Variants in RYR2 observed in about 807,000 individuals in gnomAD.
The protein encoded by RYR2 is ryanodine receptor 2, also known as cardiac muscle ryanodine receptor-calcium release channel.
Under a neutral mutation model 601.1 loss-of-function variants are expected in RYR2, and 227 were observed. That is an observed-to-expected ratio of 0.38 (90% CI 0.34 to 0.42). The LOEUF (loss-of-function observed/expected upper bound fraction) is 0.42. RYR2 is among the 10% of genes least tolerant of loss of function. The probability of loss-of-function intolerance (pLI) is 1.00; values close to 1 mark genes in which losing one functional copy is unlikely to be tolerated. For missense variants in RYR2, 4,646 were observed against 6,156.5 expected, an observed-to-expected ratio of 0.75 and a Z score of 8.21; for synonymous variants, 2,223 against 2,175.1, an observed-to-expected ratio of 1.02 and a Z score of -0.61.
intron 1 of RYR2, among the ~76,000 whole-genome samples, chr1:237,221,891 A>G (rs1189697109): frequency 6.6e-6 from 1 of 152,166 alleles, no homozygotes; most frequent in Admixed American, 6.5e-5. Flanking sequence ...AAATGACATC[A>G]TAGTCTTTCA....
At chr1:237,284,343 G>A (rs1259604566) in intron 2 of RYR2, among the ~76,000 whole-genome samples, 1 of 147,862 alleles carries the variant, frequency 6.8e-6, no homozygotes, top group Non-Finnish European at 1.5e-5. Context: ...TTGCGCCACT[G>A]CACTCCTGCC....
chr1:237,817,240 C>T (rs1661936649), intron 100 of RYR2, among the ~76,000 whole-genome samples: 1 of 152,144 alleles, frequency 6.6e-6, no homozygotes, highest in African/African-American at 2.4e-5. Context: ...GCCATCTAAC[C>T]CAGGAGACTT....
chr1:237,094,873 G>A (rs919098164), intron 1 of RYR2, among the ~76,000 whole-genome samples: 1 of 152,208 alleles, frequency 6.6e-6, no homozygotes, highest in African/African-American at 2.4e-5. Flanking sequence ...TTACAGGTGT[G>A]AGCCACCGCA....
intron 80 of RYR2, among the ~76,000 whole-genome samples, chr1:237,748,219 C>A (rs977060212): frequency 1.3e-5 from 2 of 152,120 alleles, no homozygotes; most frequent in Admixed American, 1.3e-4. Flanking sequence ...CTGATCACAG[C>A]TGTTCAGCAG....
At chr1:237,551,424 GGGA>G (rs1215128594) in intron 27 of RYR2, among the ~76,000 whole-genome samples, 3 of 151,672 alleles carry the variant, frequency 2.0e-5, no homozygotes, top group African/African-American at 7.3e-5. Context: ...CCAGCTACTC[GGGA>G]GGCTGAGGCA....
At chr1:237,217,753 T>C (rs982622398) in intron 1 of RYR2, among the ~76,000 whole-genome samples, 6 of 152,214 alleles carry the variant, frequency 3.9e-5, no homozygotes, top group Admixed American at 3.9e-4. Flanking sequence ...CGCTTTACTC[T>C]GTGCCCACCA....
intron 1 of RYR2, among the ~76,000 whole-genome samples, chr1:237,236,249 C>G (rs1685539761): frequency 6.6e-6 from 1 of 152,190 alleles, no homozygotes; most frequent in South Asian, 2.1e-4. Flanking sequence ...CTCTCCTTTG[C>G]TCGTAGCACT....
Position 237,433,844 on chromosome 1 carries a change from G to GT in RYR2, c.1006-7474dup, listed in dbSNP as rs144150901. ...TCTTCTACCATATTTCCCATGAAGAGTACTTACATTATGAAAGGCAAACAC... is the reference window on the plus strand; with the variant it reads ...TCTTCTACCATATTTCCCATGAAGAGTTACTTACATTATGAAAGGCAAACAC... On this transcript the variant is annotated intron_variant, in intron 12 of 104. Transcript: ENST00000366574. Among the ~76,000 whole-genome samples the GT allele has an allele frequency of 2.6e-5, 4 of 152,128 alleles. No homozygotes were observed. In the East Asian group the frequency reaches 7.8e-4, roughly 29 times the overall value.
intron 1 of RYR2, among the ~76,000 whole-genome samples, chr1:237,100,757 G>C (rs1313142663): frequency 1.3e-5 from 2 of 151,946 alleles, no homozygotes; most frequent in African/African-American, 4.8e-5. Context: ...ATGTGCTTGG[G>C]ATTCTTGAGG....
rs552033328 is a variant in RYR2 at position 237,224,934 on chromosome 1, G to A, written c.49-45563G>A. Reference sequence around the variant, plus strand: ...GGAAACTGAGGCCCAGGAAGGTTACGAAATTTGCCCACAGTTTATAGTTGG... The same window carrying A: ...GGAAACTGAGGCCCAGGAAGGTTACAAAATTTGCCCACAGTTTATAGTTGG... On this transcript the variant is annotated intron_variant, in intron 1 of 104. Transcript: ENST00000366574. Among the ~76,000 whole-genome samples the A allele has an allele frequency of 1.3e-4, 20 of 152,272 alleles. No individual in the cohort carries two copies. The East Asian group carries it at 2.3e-3, about 18-fold the overall frequency.
chr1:237,792,380 T>TGTGTGC (rs1558425745), intron 94 of RYR2, 57 bp downstream of exon 94: 12 of 838,514 alleles, frequency 1.4e-5, no homozygotes, highest in South Asian at 1.2e-4. Context: ...TGTGTGTGTG[T>TGTGTGC]GCGTGTGTGT....
At chr1:237,491,772 T>G (rs1349956748) in intron 17 of RYR2, 34 bp from the exon 18 acceptor site, 2 of 966,882 alleles carry the variant, frequency 2.1e-6, no homozygotes, top group South Asian at 1.4e-5. Context: ...ATTAATCATG[T>G]GTTTTTTTTC....
At chr1:237,287,346 T>A (rs1446780757) in intron 2 of RYR2, among the ~76,000 whole-genome samples, 1 of 152,242 alleles carries the variant, frequency 6.6e-6, no homozygotes, top group African/African-American at 2.4e-5. Context: ...TGTATTTGGA[T>A]GTCTACGTCT....
chr1:237,434,326 G>C (rs73104485), intron 12 of RYR2, among the ~76,000 whole-genome samples: 9,196 of 152,070 alleles, frequency 0.06, 886 homozygotes, highest in African/African-American at 0.2. Flanking sequence ...CAGGATTTGA[G>C]GGAAGAATCA....
intron 3 of RYR2, among the ~76,000 whole-genome samples, chr1:237,353,995 G>T (rs1699083418): frequency 6.6e-6 from 1 of 152,060 alleles, no homozygotes; most frequent in Non-Finnish European, 1.5e-5. Flanking sequence ...AATGATTCTT[G>T]TCAACAAGAA....
At chr1:237,783,171 C>A (rs900745788) in intron 89 of RYR2, among the ~76,000 whole-genome samples, 1 of 149,766 alleles carries the variant, frequency 6.7e-6, no homozygotes, top group East Asian at 1.9e-4. Flanking sequence ...CTGGCACTAA[C>A]CTTTAATAAT....
intron 64 of RYR2, among the ~76,000 whole-genome samples, chr1:237,699,447 G>A (rs1286815659): frequency 2.0e-5 from 3 of 151,810 alleles, no homozygotes; most frequent in Non-Finnish European, 4.4e-5. Context: ...TACTAAGTGT[G>A]TAGGTAGACG....
chr1:237,565,115 TTTTC>T (rs367736284), intron 27 of RYR2, among the ~76,000 whole-genome samples: 112 of 8,780 alleles, frequency 0.013, 3 homozygotes, highest in Admixed American at 0.018. Context: ...CTTTCTTTCT[TTTTC>T]TTTCTTTCTT....
intron 20 of RYR2, among the ~76,000 whole-genome samples, chr1:237,499,051 C>G (rs965812730): frequency 6.6e-6 from 1 of 151,984 alleles, no homozygotes; most frequent in African/African-American, 2.4e-5. Context: ...AGATAACCTT[C>G]TTGGGGGTCG....
Sources: allele counts gnomAD v4.1 joint callset (sites outside exome capture counted in the v4.1 genomes callset), GRCh38; gene constraint gnomAD v4.1.1; transcripts MANE v1.5; gene names NCBI Gene and HGNC (gene_info 2026-07-23, HGNC 2026-07-21).